CAMKMT: variants seen among roughly 807,000 people sequenced by gnomAD.
The protein encoded by CAMKMT is CaM KMT.
In CAMKMT, 53 loss-of-function variants were observed where a neutral mutation model predicts 48.0. The ratio of observed to expected loss-of-function variants is 1.10; its 90% confidence interval spans 0.89 to 1.39. The LOEUF (loss-of-function observed/expected upper bound fraction) is 1.39, where lower values mean the gene tolerates loss of function less well. CAMKMT is among the 40% of genes most tolerant of loss of function. The pLI is 0.00. For missense variants in CAMKMT, 428 were observed against 402.7 expected, an observed-to-expected ratio of 1.06 and a Z score of -0.54; for synonymous variants, 165 against 152.3, an observed-to-expected ratio of 1.08 and a Z score of -0.61.
chr2:44,511,082 C>T (rs1670523280), intron 3 of CAMKMT, among the ~76,000 whole-genome samples: 1 of 152,164 alleles, frequency 6.6e-6, no homozygotes, highest in South Asian at 2.1e-4. Context: ...CTCAAGTGAT[C>T]TGCCCGCCTC....
chr2:44,738,828 T>C (rs917256018), intron 7 of CAMKMT, among the ~76,000 whole-genome samples: 4 of 152,134 alleles, frequency 2.6e-5, no homozygotes, highest in African/African-American at 7.2e-5. Context: ...TTAAAGAGGA[T>C]GGTCAGGGAA....
At chr2:44,605,782 G>C (rs1327815453) in intron 3 of CAMKMT, among the ~76,000 whole-genome samples, 1 of 152,086 alleles carries the variant, frequency 6.6e-6, no homozygotes, top group Non-Finnish European at 1.5e-5. Flanking sequence ...ATTCCTTTGA[G>C]AGTGAGTGCT....
intron 3 of CAMKMT, among the ~76,000 whole-genome samples, chr2:44,596,144 A>C (rs1369684228): frequency 6.6e-6 from 1 of 151,680 alleles, no homozygotes; most frequent in African/African-American, 2.4e-5. Flanking sequence ...AAAAAAAAAA[A>C]AGAAAGAAAA....
At chr2:44,415,616 G>A (rs906212055) in intron 3 of CAMKMT, among the ~76,000 whole-genome samples, 3 of 151,902 alleles carry the variant, frequency 2.0e-5, no homozygotes, top group African/African-American at 4.8e-5. Flanking sequence ...AGAGCAAATT[G>A]TGTGTGTGTG....
intron 2 of CAMKMT, among the ~76,000 whole-genome samples, chr2:44,387,153 C>T (rs551557006): frequency 7.7e-4 from 117 of 152,240 alleles, no homozygotes; most frequent in African/African-American, 2.7e-3. Context: ...CTGTCTATCT[C>T]ATTTCTTAGG....
chr2:44,428,659 T>A (rs1298553835), intron 3 of CAMKMT, among the ~76,000 whole-genome samples: 1 of 152,254 alleles, frequency 6.6e-6, no homozygotes, highest in Non-Finnish European at 1.5e-5. Flanking sequence ...AATTTTTGTA[T>A]GTTTGTGTAT....
At chr2:44,470,459 C>G (rs1444406036) in intron 3 of CAMKMT, among the ~76,000 whole-genome samples, 1 of 151,422 alleles carries the variant, frequency 6.6e-6, no homozygotes, top group Non-Finnish European at 1.5e-5. Context: ...CTCCATGCTT[C>G]TCAAGGAATA....
At chr2:44,530,336 A>G (rs1326416935) in intron 3 of CAMKMT, among the ~76,000 whole-genome samples, 1 of 152,222 alleles carries the variant, frequency 6.6e-6, no homozygotes, top group Non-Finnish European at 1.5e-5. Flanking sequence ...CTCTACCACT[A>G]TGTGACTTTG....
intron 2 of CAMKMT, among the ~76,000 whole-genome samples, chr2:44,381,260 T>C (rs1680214013): frequency 6.6e-6 from 1 of 152,234 alleles, no homozygotes; most frequent in African/African-American, 2.4e-5. Flanking sequence ...TTAAAACATG[T>C]ACTTAACTTC....
chr2:44,640,944 T>C (rs1431078698), intron 3 of CAMKMT, among the ~76,000 whole-genome samples: 4 of 152,190 alleles, frequency 2.6e-5, no homozygotes, highest in African/African-American at 9.7e-5. Flanking sequence ...CTGGGCTATA[T>C]AGAAACTGAC....
chr2:44,408,346 C>G (rs527611080), intron 3 of CAMKMT, among the ~76,000 whole-genome samples: 21 of 151,900 alleles, frequency 1.4e-4, no homozygotes, highest in Non-Finnish European at 2.4e-4. Flanking sequence ...TTATAGATTG[C>G]TATAAAGAGT....
Position 44,488,877 on chromosome 2 carries a change from G to GTGTGTT in CAMKMT, c.376+98573_376+98574insGTGTTT, listed in dbSNP as rs373830779. On this transcript the variant is annotated intron_variant, in intron 3 of 10. Coordinates refer to ENST00000378494, the MANE Select transcript of CAMKMT (RefSeq NM_024766.5). ...TGTGTGTGTGTGTGTGTGTGTGTGT[G>GTGTGTT]TTTTAAGAAATGGAGTCCCTTTCCA... 3.1e-3 allele frequency among the ~76,000 whole-genome samples: 465 copies of GTGTGTT among 149,962 alleles called. 1 individual carries two copies. The highest frequency in any genetic ancestry group is 3.7e-3 in the Non-Finnish European group (252 of 67,522).
At chr2:44,496,913 A>G (rs796525096) in intron 3 of CAMKMT, among the ~76,000 whole-genome samples, 7 of 152,286 alleles carry the variant, frequency 4.6e-5, no homozygotes, top group African/African-American at 1.7e-4. Flanking sequence ...TGTTGGGATC[A>G]TTTGTTGCAT....
intron 7 of CAMKMT, among the ~76,000 whole-genome samples, chr2:44,736,024 C>T (rs562201833): frequency 3.9e-5 from 6 of 152,278 alleles, no homozygotes; most frequent in Non-Finnish European, 7.4e-5. Context: ...TATATTATCA[C>T]CCCACAATAC....
intron 1 of CAMKMT, among the ~76,000 whole-genome samples, chr2:44,363,283 T>A (rs779493107): frequency 1.2e-3 from 189 of 152,198 alleles, no homozygotes; most frequent in Non-Finnish European, 1.6e-3. Flanking sequence ...TCATAGGAAG[T>A]ATCTATAATA....
At chr2:44,765,837 T>C (rs1680819980) in intron 9 of CAMKMT, among the ~76,000 whole-genome samples, 1 of 152,210 alleles carries the variant, frequency 6.6e-6, no homozygotes, top group Non-Finnish European at 1.5e-5. Context: ...AGGGATTCAA[T>C]AAAGTTGGAA....
intron 3 of CAMKMT, among the ~76,000 whole-genome samples, chr2:44,605,369 G>T (rs917354893): frequency 6.6e-6 from 1 of 151,974 alleles, no homozygotes; most frequent in African/African-American, 2.4e-5. Context: ...GAACATACTT[G>T]GTGGTGGCAT....
At chr2:44,716,200 G>A (rs1305799364) in intron 7 of CAMKMT, among the ~76,000 whole-genome samples, 1 of 152,004 alleles carries the variant, frequency 6.6e-6, no homozygotes, top group Non-Finnish European at 1.5e-5. Context: ...GTCATCATTT[G>A]GTATTTTGAA....
chr2:44,456,565 T>C, intron 3 of CAMKMT: 1 of 1,549,852 alleles, frequency 6.5e-7, no homozygotes, highest in Non-Finnish European at 8.7e-7. Context: ...CTTTCTCTTT[T>C]AGGGGAAGCA....
Sources: gnomAD v4.1 joint callset for allele counts (sites outside exome capture counted in the v4.1 genomes callset) on GRCh38, gnomAD v4.1.1 for gene constraint, MANE v1.5 for transcripts, NCBI Gene and HGNC (gene_info 2026-07-23, HGNC 2026-07-21) for gene names.